RAD18: variants seen among roughly 807,000 people sequenced by gnomAD.
The protein encoded by RAD18 is E3 ubiquitin-protein ligase RAD18.
RAD18 carries 47 observed loss-of-function variants against 60.4 expected under a neutral mutation model. That is an observed-to-expected ratio of 0.78 (90% CI 0.62 to 0.99). The LOEUF is 0.99. Ranked by LOEUF, RAD18 falls within the 50% of genes least tolerant of loss-of-function variation. The pLI is 0.00. For synonymous variants in RAD18, 225 were observed against 195.5 expected (o/e 1.15, Z -1.26); for missense variants, 640 against 593.3 (o/e 1.08, Z -0.82).
At chr3:8,911,215 T>C (rs1940098985) in intron 9 of RAD18, among the ~76,000 whole-genome samples, 1 of 152,232 alleles carries the variant, frequency 6.6e-6, no homozygotes, top group South Asian at 2.1e-4. Context: ...TTTTTAGATA[T>C]CTAAATGGTG....
intron 11 of RAD18, among the ~76,000 whole-genome samples, chr3:8,895,327 C>T (rs1277266287): frequency 6.6e-6 from 1 of 152,206 alleles, no homozygotes; most frequent in Non-Finnish European, 1.5e-5. Flanking sequence ...AACTTTCCAA[C>T]AGCAATTATG....
At position 8,941,466 on chromosome 3, in the gene RAD18, C is replaced by G; in HGVS notation, c.604+1G>C. The G allele has an allele frequency of 6.3e-7, 1 of 1,586,734 alleles. No homozygotes were observed. Among genetic ancestry groups the G allele is most frequent in the Middle Eastern group, 1.7e-4 (1 of 5,972 alleles). The stretch of plus-strand genomic sequence containing the variant: ...TTCCACATATGAAAATAACTTCCTA[C>G]CTTTAGTAACTTGTTTCAAAGTGGA... On this transcript the variant is annotated splice_donor_variant, in intron 5 of 12. Coordinates refer to ENST00000264926, the MANE Select transcript of RAD18 (RefSeq NM_020165.4). LOFTEE classifies it high-confidence loss of function.
chr3:8,903,500 C>A (rs1939950035), intron 9 of RAD18, among the ~76,000 whole-genome samples: 1 of 152,122 alleles, frequency 6.6e-6, no homozygotes, highest in Non-Finnish European at 1.5e-5. Context: ...CTCTCCCAAC[C>A]AATTCTACCT....
intron 7 of RAD18, among the ~76,000 whole-genome samples, chr3:8,924,169 C>T (rs1940382129): frequency 6.6e-6 from 1 of 152,032 alleles, no homozygotes; most frequent in African/African-American, 2.4e-5. Context: ...GGAAACTCAT[C>T]TCACATGCAG....
chr3:8,955,779 C>T (rs1328853526), intron 2 of RAD18, among the ~76,000 whole-genome samples: 2 of 152,136 alleles, frequency 1.3e-5, no homozygotes, highest in African/African-American at 2.4e-5. Flanking sequence ...CCAGGGAAGA[C>T]ACATCCACAG....
At chr3:8,919,175 A>T (rs1206285002) in intron 7 of RAD18, among the ~76,000 whole-genome samples, 1 of 152,200 alleles carries the variant, frequency 6.6e-6, no homozygotes, top group Admixed American at 6.5e-5. Flanking sequence ...ATTTCAAGGG[A>T]TCTGGGAACT....
chr3:8,918,039 CG>C (rs896672535), intron 7 of RAD18, among the ~76,000 whole-genome samples: 70 of 152,196 alleles, frequency 4.6e-4, no homozygotes, highest in African/African-American at 1.4e-3. Context: ...AATTAGGGGC[CG>C]GGCGCAGTGG....
intron 12 of RAD18, among the ~76,000 whole-genome samples, chr3:8,889,532 G>A (rs1392669762): frequency 6.6e-6 from 1 of 152,104 alleles, no homozygotes; most frequent in East Asian, 1.9e-4. Flanking sequence ...TACTGTAGGA[G>A]GACTGGATCC....
At position 8,904,828 on chromosome 3, in the gene RAD18, G is replaced by T. The variant is rs142312330; in HGVS notation, c.1028-2308C>A. 5.5e-4 allele frequency among the ~76,000 whole-genome samples: 84 copies of T among 152,276 alleles called. 1 individual carries two copies. The East Asian group carries it at 0.016, about 29-fold the overall frequency. ...AAGGCCATTCCACTGTACACATAAA[G>T]ACTGGAGATTTAAGAATTAGTCAAG... On this transcript the variant is annotated intron_variant, in intron 9 of 12. Transcript: ENST00000264926.
At chr3:8,884,576 ACTCT>A (rs1179168975) in intron 12 of RAD18, among the ~76,000 whole-genome samples, 1 of 150,550 alleles carries the variant, frequency 6.6e-6, no homozygotes, top group South Asian at 2.1e-4. Context: ...CTATTTTATC[ACTCT>A]CTATTCTCAT....
chr3:8,941,339 G>T, intron 5 of RAD18, 128 bp downstream of exon 5: 1 of 822,212 alleles, frequency 1.2e-6, no homozygotes. Context: ...AATGTCTGAG[G>T]TTTGTGATAT....
chr3:8,890,775 C>G (rs987345569), intron 11 of RAD18, among the ~76,000 whole-genome samples: 1 of 152,122 alleles, frequency 6.6e-6, no homozygotes. Flanking sequence ...CCCTTCTATT[C>G]ACAAGACCCC....
At chr3:8,901,916 T>C (rs1367612962) in intron 10 of RAD18, among the ~76,000 whole-genome samples, 1 of 152,202 alleles carries the variant, frequency 6.6e-6, no homozygotes, top group East Asian at 1.9e-4. Context: ...GGCAATAGAA[T>C]TAAAATATCA....
At chr3:8,897,335 G>A (rs1939805038) in intron 11 of RAD18, among the ~76,000 whole-genome samples, 1 of 152,182 alleles carries the variant, frequency 6.6e-6, no homozygotes, top group African/African-American at 2.4e-5. Context: ...GAAAAATGAA[G>A]TGAAAGACAA....
intron 7 of RAD18, among the ~76,000 whole-genome samples, chr3:8,916,463 A>G (rs1940201537): frequency 6.6e-6 from 1 of 152,168 alleles, no homozygotes; most frequent in African/African-American, 2.4e-5. Flanking sequence ...TGTGAGTGAT[A>G]TATAGCTACA....
Position 8,941,501 on chromosome 3 carries a change from T to G in RAD18, c.570A>C (p.Pro190=). Residue 190 remains proline (P), a synonymous_variant, in exon 5 of 13, where the codon CCA becomes CCC. Coordinates refer to ENST00000264926, the MANE Select transcript of RAD18 (RefSeq NM_020165.4). ...CTTGTTTCAAAGTGGATGTCGAGGG[T>G]GGCTCAGGACGCTTAGCCTCTGAGG... is the stretch of plus-strand genomic sequence containing the variant. The part of the protein sequence containing the change: ...PDPSEAKRPE[P]PSTSTLKQVT... The G allele has an allele frequency of 6.2e-7, 1 of 1,612,312 alleles. No homozygotes were observed. The highest frequency in any genetic ancestry group is 8.5e-7 in the Non-Finnish European group (1 of 1,178,914).
intron 7 of RAD18, among the ~76,000 whole-genome samples, chr3:8,928,589 TA>T (rs1264263124): frequency 6.6e-6 from 1 of 152,064 alleles, no homozygotes; most frequent in Non-Finnish European, 1.5e-5. Flanking sequence ...ATCAAGAAGA[TA>T]CATAATAATA....
intron 12 of RAD18, among the ~76,000 whole-genome samples, chr3:8,884,863 T>C (rs940701494): frequency 4.6e-5 from 7 of 152,246 alleles, no homozygotes; most frequent in Non-Finnish European, 8.8e-5. Context: ...ATGTAACACA[T>C]TGACTTACTG....
chr3:8,917,238 A>G (rs1940219175), intron 7 of RAD18, among the ~76,000 whole-genome samples: 1 of 152,168 alleles, frequency 6.6e-6, no homozygotes, highest in African/African-American at 2.4e-5. Flanking sequence ...AAACACAAAA[A>G]CTTTCTGAGG....
Sources: allele counts gnomAD v4.1 joint callset (sites outside exome capture counted in the v4.1 genomes callset), GRCh38; gene constraint gnomAD v4.1.1; transcripts MANE v1.5; gene names NCBI Gene and HGNC (gene_info 2026-07-23, HGNC 2026-07-21).